ANKRD16: variants seen among roughly 807,000 people sequenced by gnomAD.
ANKRD16 encodes the protein ankyrin repeat domain-containing protein 16.
Under a neutral mutation model 37.9 loss-of-function variants are expected in ANKRD16, and 35 were observed. That is an observed-to-expected ratio of 0.92 (90% CI 0.71 to 1.23). The LOEUF (loss-of-function observed/expected upper bound fraction) is 1.23. Ranked by LOEUF, ANKRD16 falls within the 50% of genes most tolerant of loss-of-function variation. The pLI, the probability that ANKRD16 is intolerant of heterozygous loss-of-function variation, is 0.00. For synonymous variants in ANKRD16, 206 were observed against 197.2 expected (o/e 1.04, Z -0.37); for missense variants, 480 against 469.9 (o/e 1.02, Z -0.20).
chr10:5,871,424 A>AATAT lies in ANKRD16; in HGVS notation c.*33+6669_*33+6672dup, dbSNP rs1199474001. Reference sequence around the variant, plus strand: ...AAATAAATAAATAAATAAATAAATAAATATCACACCACATCACTCTTTCCA... The same window carrying AATAT: ...AAATAAATAAATAAATAAATAAATAAATATATATCACACCACATCACTCTTTCCA... On this transcript the variant is annotated intron_variant, in intron 7 of 7. Transcript: ENST00000380094. This position sits in a 1 kb window ranked among gnomAD's most constrained non-coding sequence, Gnocchi z 4.5. Among the ~76,000 whole-genome samples the AATAT allele has an allele frequency of 3.4e-5, 5 of 145,640 alleles. No individual in the cohort carries two copies. Among genetic ancestry groups the AATAT allele is most frequent in the African/African-American group, 1.3e-4 (5 of 39,634 alleles).
At chr10:5,882,768 G>C (rs549278497) in intron 5 of ANKRD16, 1 of 351,424 alleles carries the variant, frequency 2.8e-6, no homozygotes, top group Admixed American at 4.4e-5. Flanking sequence ...CTGTGTGTGA[G>C]GGGGAGGCAC....
rs1389082062 is a variant in ANKRD16 at position 5,883,092 on chromosome 10, T to G, written c.763A>C (p.Ile255Leu). Residue 255 changes from isoleucine to leucine, a missense_variant, in exon 5 of 8, where the codon ATC becomes CTC. Coordinates refer to ENST00000380094, the MANE Select transcript of ANKRD16 (RefSeq NM_019046.3). ...CCAAGTTCAGAGACCAAGAATCGGATGGCTTCGTCCTGCCCTGTGACAGCT... is the reference window on the plus strand; with the variant it reads ...CCAAGTTCAGAGACCAAGAATCGGAGGGCTTCGTCCTGCCCTGTGACAGCT... ...RAAVTGQDEAIRFLVSELGVD... is the reference protein window; with the variant it reads ...RAAVTGQDEALRFLVSELGVD... 1.2e-6 allele frequency: 2 copies of G among 1,614,004 alleles called. No homozygotes were observed. Among genetic ancestry groups the G allele is most frequent in the African/African-American group, 2.7e-5 (2 of 74,944 alleles).
chr10:5,881,621 C>G (rs1435290799), intron 5 of ANKRD16, among the ~76,000 whole-genome samples: 1 of 149,860 alleles, frequency 6.7e-6, no homozygotes, highest in African/African-American at 2.4e-5. Flanking sequence ...TGTGTCACCA[C>G]CCCCAGCTAA....
chr10:5,885,054 C>A (rs552315470), intron 3 of ANKRD16, among the ~76,000 whole-genome samples: 1 of 152,244 alleles, frequency 6.6e-6, no homozygotes, highest in Non-Finnish European at 1.5e-5. Flanking sequence ...TTGTAATGCA[C>A]AACAGACTTT....
chr10:5,881,438 T>TTATAAATAAATAAATATA (rs1422263395), intron 5 of ANKRD16, among the ~76,000 whole-genome samples: 2 of 51,026 alleles, frequency 3.9e-5, no homozygotes, highest in African/African-American at 1.5e-4. Flanking sequence ...AAAATATTAT[T>TTATAAATAAATAAATATA]TATATATATA....
In ANKRD16 at chr10:5,871,604, G is replaced by C. The variant is rs886774454; in HGVS notation, c.*33+6493C>G. On this transcript the variant is annotated intron_variant, in intron 7 of 7. Transcript: ENST00000380094. The surrounding 1 kb of genome is among the most constrained non-coding windows in gnomAD (Gnocchi z 4.5). Reference sequence around the variant, plus strand: ...GAGGCGCCCACGTGGGCTCTGCCCTGAACTTTTCTTCCTTCTTGCCCTTCT... The same window carrying C: ...GAGGCGCCCACGTGGGCTCTGCCCTCAACTTTTCTTCCTTCTTGCCCTTCT... Among the ~76,000 whole-genome samples the C allele has an allele frequency of 6.6e-6, 1 of 152,118 alleles. No homozygotes were observed. Among genetic ancestry groups the C allele is most frequent in the Admixed American group, 6.5e-5 (1 of 15,272 alleles).
At chr10:5,872,767 A>AG (rs1564414930) in intron 7 of ANKRD16, among the ~76,000 whole-genome samples, 4 of 151,806 alleles carry the variant, frequency 2.6e-5, no homozygotes, top group Admixed American at 6.6e-5. Flanking sequence ...CGTGTTAGCC[A>AG]AGATGGTCTT....
Position 5,874,499 on chromosome 10 carries a change from T to C in ANKRD16, c.*33+3598A>G, listed in dbSNP as rs929297593. Reference sequence around the variant, plus strand: ...GCTTGGGCAGGAGTCGCAGTAGGGATGGTGTGGAACAGGCAGATTAGAGAG... The same window carrying C: ...GCTTGGGCAGGAGTCGCAGTAGGGACGGTGTGGAACAGGCAGATTAGAGAG... On this transcript the variant is annotated intron_variant, in intron 7 of 7. Coordinates refer to ENST00000380094, the MANE Select transcript of ANKRD16 (RefSeq NM_019046.3). The surrounding 1 kb of genome is among the most constrained non-coding windows in gnomAD (Gnocchi z 4.7). 6.6e-5 allele frequency among the ~76,000 whole-genome samples: 10 copies of C among 152,088 alleles called. No homozygotes were observed. In the South Asian group the frequency reaches 1.2e-3, roughly 19 times the overall value.
rs753133718 is a variant in ANKRD16, at chr10:5,862,666, G to A, written c.*59C>T. On this transcript the variant is annotated 3_prime_UTR_variant, in exon 8 of 8. Transcript: ENST00000380094. The surrounding 1 kb of genome is among the most constrained non-coding windows in gnomAD (Gnocchi z 6.5). Reference sequence around the variant, plus strand: ...CTTGGCTTTCTCTGAGCCGAAAAACGAAAGGTGCTCAGGCTCCCAGCAACT... The same window carrying A: ...CTTGGCTTTCTCTGAGCCGAAAAACAAAAGGTGCTCAGGCTCCCAGCAACT... 3.1e-6 allele frequency: 4 copies of A among 1,289,688 alleles called. No individual in the cohort carries two copies. Among genetic ancestry groups the A allele is most frequent in the South Asian group, 2.5e-5 (2 of 81,016 alleles). The allele number at this position is 1,289,688 out of a possible 1,614,324, so 79.9% of individuals were successfully genotyped here. A position where few individuals can be genotyped will look rare whatever the true frequency, so the allele number is the denominator to read the frequency against.
chr10:5,879,086 AGCAGAGAAGCTGTGTCCCTTCCTGG>A (rs1184049341), intron 6 of ANKRD16, among the ~76,000 whole-genome samples: 8 of 152,186 alleles, frequency 5.3e-5, no homozygotes, highest in Admixed American at 5.2e-4. Context: ...CTTTCCCTCC[AGCAGAGAAGCTGTGTCCCTTCCTGG>A]GCAGAGCAGC....
intron 5 of ANKRD16, 75 bp downstream of exon 5, chr10:5,882,931 G>A: frequency 6.6e-7 from 1 of 1,512,358 alleles, no homozygotes; most frequent in South Asian, 1.2e-5. Context: ...AAAGAAACCA[G>A]GCTGCAGAGC....
rs1276618094 is a variant in ANKRD16, at chr10:5,866,434, T to C, written c.*34-3743A>G. On this transcript the variant is annotated intron_variant, in intron 7 of 7. Coordinates refer to ENST00000380094, the MANE Select transcript of ANKRD16 (RefSeq NM_019046.3). The surrounding 1 kb of genome is among the most constrained non-coding windows in gnomAD (Gnocchi z 4.3). The stretch of plus-strand genomic sequence containing the variant: ...GTAACAGTACTTGAAAGTAAGTCTC[T>C]TCCCCAGGGACCAGTGCCCAGTTAG... Among the ~76,000 whole-genome samples the C allele has an allele frequency of 6.6e-6, 1 of 152,222 alleles. No individual in the cohort carries two copies.
Position 5,889,747 on chromosome 10 carries a change from G to A in ANKRD16, c.-393C>T, listed in dbSNP as rs1315227074. On this transcript the variant is annotated 5_prime_UTR_variant, in exon 1 of 8. Coordinates refer to ENST00000380094, the MANE Select transcript of ANKRD16 (RefSeq NM_019046.3). ...CGTGATTCGGGACTGAACACGTAAG[G>A]GAGTGGGGCGCGCCGCTACACCGCA... 1.9e-5 allele frequency: 3 copies of A among 159,194 alleles called. No individual in the cohort carries two copies. Among genetic ancestry groups the A allele is most frequent in the Non-Finnish European group, 2.7e-5 (2 of 72,856 alleles). 9.9% of individuals were successfully genotyped at this position (159,194 alleles called of 1,614,324 possible).
chr10:5,882,545 T>C (rs1842334103), intron 5 of ANKRD16, among the ~76,000 whole-genome samples: 1 of 150,210 alleles, frequency 6.7e-6, no homozygotes, highest in Non-Finnish European at 1.5e-5. Flanking sequence ...TTAAGGATAA[T>C]ATGCAAAACG....
chr10:5,862,414 G>A lies in ANKRD16; in HGVS notation c.*311C>T. 1 of 429,732 alleles carries A rather than the reference G, an allele frequency of 2.3e-6. No individual in the cohort carries two copies. The highest frequency in any genetic ancestry group is 4.5e-6 in the Non-Finnish European group (1 of 220,794). The allele number at this position is 429,732 out of a possible 1,614,324, so 26.6% of individuals were successfully genotyped here. A position where few individuals can be genotyped will look rare whatever the true frequency, so the allele number is the denominator to read the frequency against. ...CAATCTGGGCCTGTCTGCTGTGGCT[G>A]GTCAGTTTCACTATCATCCTCAGAC... On this transcript the variant is annotated 3_prime_UTR_variant, in exon 8 of 8. Coordinates refer to ENST00000380094, the MANE Select transcript of ANKRD16 (RefSeq NM_019046.3). This position sits in a 1 kb window ranked among gnomAD's most constrained non-coding sequence, Gnocchi z 6.5.
At chr10:5,882,212 C>T (rs1004259664) in intron 5 of ANKRD16, among the ~76,000 whole-genome samples, 4 of 152,078 alleles carry the variant, frequency 2.6e-5, no homozygotes, top group Admixed American at 1.3e-4. Flanking sequence ...CCCAGCTGCT[C>T]GAAAGCAGGA....
intron 7 of ANKRD16, among the ~76,000 whole-genome samples, chr10:5,876,765 T>C (rs764983520): frequency 3.3e-5 from 5 of 152,186 alleles, no homozygotes; most frequent in Non-Finnish European, 7.3e-5. Context: ...TGGATCACAC[T>C]GAATAAGAGG....
chr10:5,887,811 G>A (rs772722804), intron 2 of ANKRD16, 36 bp downstream of exon 2: 21 of 1,569,140 alleles, frequency 1.3e-5, no homozygotes, highest in Non-Finnish European at 3.5e-6. Flanking sequence ...GCAGCCACAT[G>A]TGTGTACTGC....
rs9424019 is a variant in ANKRD16 at position 5,872,758 on chromosome 10, G to A, written c.*33+5339C>T. The stretch of plus-strand genomic sequence containing the variant: ...TTTTTAGTAGAGACGGGATTTCACC[G>A]TGTTAGCCAAGATGGTCTTAATTTC... On this transcript the variant is annotated intron_variant, in intron 7 of 7. Transcript: ENST00000380094. Among the ~76,000 whole-genome samples, 1,479 of 151,838 alleles carry A rather than the reference G, an allele frequency of 9.7e-3. 22 individuals are homozygous for A. Among genetic ancestry groups the A allele is most frequent in the African/African-American group, 0.03 (1,227 of 41,406 alleles).
Sources: allele counts gnomAD v4.1 joint callset (sites outside exome capture counted in the v4.1 genomes callset), GRCh38; gene constraint gnomAD v4.1.1; non-coding constraint Gnocchi (gnomAD v3.1); transcripts MANE v1.5; gene names NCBI Gene and HGNC (gene_info 2026-07-23, HGNC 2026-07-21).